The following CREG2 variants were observed in gnomAD, a reference collection of about 807,000 sequenced individuals.
CREG2 encodes protein CREG2.
A neutral mutation model predicts 26.2 loss-of-function variants in CREG2; 24 were observed. That is an observed-to-expected ratio of 0.92 (90% CI 0.66 to 1.29). The LOEUF (loss-of-function observed/expected upper bound fraction) is 1.29. Ranked by LOEUF, CREG2 falls within the 50% of genes most tolerant of loss-of-function variation. CREG2 has a pLI of 0.00. For missense variants in CREG2, 366 were observed against 398.6 expected (o/e 0.92, Z 0.70); for synonymous variants, 174 against 169.2 (o/e 1.03, Z -0.22).
intron 2 of CREG2, among the ~76,000 whole-genome samples, chr2:101,360,739 GAA>G (rs201357877): frequency 2.4e-5 from 3 of 123,424 alleles, no homozygotes; most frequent in African/African-American, 6.0e-5. Context: ...CTCAGTCTCA[GAA>G]AAAAAAAAAA....
Position 101,387,325 on chromosome 2 carries a change from C to G in CREG2, c.133G>C (p.Glu45Gln). 2 of 1,467,666 alleles carry G rather than the reference C, an allele frequency of 1.4e-6. No individual in the cohort carries two copies. The highest frequency in any genetic ancestry group is 1.8e-6 in the Non-Finnish European group (2 of 1,098,612). 90.9% of individuals were successfully genotyped at this position (1,467,666 alleles called of 1,614,324 possible). Residue 45 changes from glutamate (E) to glutamine (Q), a missense_variant, in exon 1 of 4, where the codon GAG (glutamate) becomes CAG (glutamine). Coordinates refer to ENST00000324768, the MANE Select transcript of CREG2 (RefSeq NM_153836.4). This position sits in a 1 kb window ranked among gnomAD's most constrained non-coding sequence, Gnocchi z 4.7. ...VSSVSWAVTN[E>Q]VDEELDSAST... Reference sequence around the variant, plus strand: ...GCGCTGTCCAGCTCCTCGTCCACCTCGTTGGTGACGGCCCAAGACACGGAG... The same window carrying G: ...GCGCTGTCCAGCTCCTCGTCCACCTGGTTGGTGACGGCCCAAGACACGGAG...
chr2:101,351,641 G>A (rs1684382687), intron 3 of CREG2, among the ~76,000 whole-genome samples: 1 of 152,308 alleles, frequency 6.6e-6, no homozygotes, highest in South Asian at 2.1e-4. Context: ...GCCAGCTAGA[G>A]TTGACAGGCA....
At chr2:101,363,368 G>C (rs1684572491) in intron 2 of CREG2, among the ~76,000 whole-genome samples, 1 of 152,230 alleles carries the variant, frequency 6.6e-6, no homozygotes, top group Non-Finnish European at 1.5e-5. Flanking sequence ...CTTCTGGATA[G>C]TTAACCTTCT....
chr2:101,384,677 G>A (rs1271199331), intron 1 of CREG2, among the ~76,000 whole-genome samples: 1 of 152,142 alleles, frequency 6.6e-6, no homozygotes, highest in East Asian at 1.9e-4. Flanking sequence ...GCAAGATAGC[G>A]AGACCCCCAT....
At chr2:101,384,563 G>T (rs1215173520) in intron 1 of CREG2, among the ~76,000 whole-genome samples, 1 of 152,134 alleles carries the variant, frequency 6.6e-6, no homozygotes, top group Non-Finnish European at 1.5e-5. Flanking sequence ...TTCCTTGAGA[G>T]TTCCCCTGAG....
At chr2:101,368,758 GC>G (rs1182530793) in intron 2 of CREG2, among the ~76,000 whole-genome samples, 2 of 152,116 alleles carry the variant, frequency 1.3e-5, no homozygotes, top group Non-Finnish European at 2.9e-5. Flanking sequence ...AATAAAAGAG[GC>G]CCCAGAGAGT....
At chr2:101,352,439 G>A (rs931585717) in intron 3 of CREG2, among the ~76,000 whole-genome samples, 12 of 152,092 alleles carry the variant, frequency 7.9e-5, no homozygotes, top group African/African-American at 2.9e-4. Flanking sequence ...TAATCCATGG[G>A]GCACTGGCTC....
chr2:101,366,485 T>A (rs1684619623), intron 2 of CREG2, among the ~76,000 whole-genome samples: 1 of 150,506 alleles, frequency 6.6e-6, no homozygotes, highest in Non-Finnish European at 1.5e-5. Flanking sequence ...AACCACAGAC[T>A]GAAAATATTT....
intron 2 of CREG2, among the ~76,000 whole-genome samples, chr2:101,363,165 G>T (rs1488937228): frequency 1.3e-5 from 2 of 152,200 alleles, no homozygotes; most frequent in Admixed American, 6.5e-5. Flanking sequence ...TCTGTTCTTA[G>T]CGGGTGGGTT....
chr2:101,386,335 A>AC (rs1684966247), intron 1 of CREG2, among the ~76,000 whole-genome samples: 1 of 151,150 alleles, frequency 6.6e-6, no homozygotes, highest in African/African-American at 2.4e-5. Flanking sequence ...CTCTCTTAAA[A>AC]CCCCCAAAAG....
intron 2 of CREG2, among the ~76,000 whole-genome samples, chr2:101,362,598 T>G (rs192328299): frequency 4.5e-4 from 68 of 152,230 alleles, no homozygotes; most frequent in Admixed American, 5.9e-4. Flanking sequence ...CACCCTGGGG[T>G]GTCCCTTTGG....
intron 2 of CREG2, among the ~76,000 whole-genome samples, chr2:101,374,246 C>T (rs957155161): frequency 2.0e-5 from 3 of 152,188 alleles, no homozygotes; most frequent in Non-Finnish European, 2.9e-5. Flanking sequence ...GGCATGGTGG[C>T]GCCTGCCTGT....
rs1558811024 is a variant in CREG2 at position 101,346,942 on chromosome 2, G to T, written c.*3981C>A. 6.6e-6 allele frequency: 1 copy of T among 152,162 alleles called. No individual in the cohort carries two copies. Among genetic ancestry groups the T allele is most frequent in the African/African-American group, 2.4e-5 (1 of 41,422 alleles). 9.4% of individuals were successfully genotyped at this position (152,162 alleles called of 1,614,324 possible). ...TACTGAATATGTCCATCACCACAAG[G>T]ATCTCTTGTGCTATCCTTTTATAGT... On this transcript the variant is annotated 3_prime_UTR_variant, in exon 4 of 4. Transcript: ENST00000324768.
At chr2:101,356,100 T>C (rs1684454739) in intron 2 of CREG2, among the ~76,000 whole-genome samples, 1 of 152,178 alleles carries the variant, frequency 6.6e-6, no homozygotes, top group African/African-American at 2.4e-5. Context: ...GATCTTTCCC[T>C]GAGGCCTGGC....
chr2:101,356,612 T>G (rs1573302636), intron 2 of CREG2, among the ~76,000 whole-genome samples: 1 of 151,944 alleles, frequency 6.6e-6, no homozygotes, highest in Non-Finnish European at 1.5e-5. Flanking sequence ...TTTTGGCAGG[T>G]GTTGGATGTG....
intron 2 of CREG2, among the ~76,000 whole-genome samples, chr2:101,374,527 G>A (rs1684759091): frequency 6.6e-6 from 1 of 152,240 alleles, no homozygotes; most frequent in African/African-American, 2.4e-5. Context: ...ATTCAGTGAA[G>A]AGAAATTGGA....
chr2:101,386,761 G>T (rs1167122840), intron 1 of CREG2, among the ~76,000 whole-genome samples: 3 of 152,088 alleles, frequency 2.0e-5, no homozygotes, highest in Non-Finnish European at 4.4e-5. Context: ...CCTCAAGGTG[G>T]GGATTCGGTA....
intron 2 of CREG2, among the ~76,000 whole-genome samples, chr2:101,367,646 G>T (rs940729396): frequency 1.3e-5 from 2 of 152,214 alleles, no homozygotes; most frequent in Admixed American, 6.5e-5. Context: ...CCCGGAATGT[G>T]TGAATGTGAC....
intron 2 of CREG2, among the ~76,000 whole-genome samples, chr2:101,375,139 C>G (rs1412238349): frequency 5.9e-5 from 9 of 152,262 alleles, no homozygotes; most frequent in Middle Eastern, 3.4e-3. Flanking sequence ...GTGAGCAGTC[C>G]CTCTCTGGTG....
Sources: allele counts gnomAD v4.1 joint callset (sites outside exome capture counted in the v4.1 genomes callset), GRCh38; gene constraint gnomAD v4.1.1; non-coding constraint Gnocchi (gnomAD v3.1); transcripts MANE v1.5; gene names NCBI Gene and HGNC (gene_info 2026-07-23, HGNC 2026-07-21).